The following FSIP2 variants were observed in gnomAD, a reference collection of about 807,000 sequenced individuals.
FSIP2 encodes fibrous sheath-interacting protein 2.
A neutral mutation model predicts 510.5 loss-of-function variants in FSIP2; 367 were observed. The ratio of observed to expected loss-of-function variants is 0.72; its 90% CI spans 0.66 to 0.78. The LOEUF (loss-of-function observed/expected upper bound fraction) is 0.78, where lower values mean the gene tolerates loss of function less well. Ranked by LOEUF, FSIP2 falls within the 30% of genes least tolerant of loss-of-function variation. FSIP2 has a pLI of 0.00. For synonymous variants in FSIP2, 2,601 were observed against 2,732.2 expected (o/e 0.95, Z 1.50); for missense variants, 7,594 against 7,901.7 (o/e 0.96, Z 1.48).
chr2:185,764,580 T>G lies in FSIP2; in HGVS notation c.1411+15T>G. Reference sequence around the variant, plus strand: ...CTGCGAATCAGGTAAATATCAGCAGTAATTATTGAGTAAATCTTGCATTCT... The same window carrying G: ...CTGCGAATCAGGTAAATATCAGCAGGAATTATTGAGTAAATCTTGCATTCT... On this transcript the variant is annotated intron_variant, in intron 13 of 22. Transcript: ENST00000424728. 1 of 1,478,876 alleles carries G rather than the reference T, an allele frequency of 6.8e-7. No individual in the cohort carries two copies. Among genetic ancestry groups the G allele is most frequent in the Non-Finnish European group, 9.1e-7 (1 of 1,097,516 alleles). The allele number at this position is 1,478,876 out of a possible 1,614,324, so 91.6% of individuals were successfully genotyped here.
At chr2:185,750,601 C>T (rs1484088431) in intron 7 of FSIP2, among the ~76,000 whole-genome samples, 2 of 25,986 alleles carry the variant, frequency 7.7e-5, no homozygotes, top group Admixed American at 4.5e-4. Flanking sequence ...ATGCATTTCT[C>T]TGTTTTTTTT....
At chr2:185,745,612 C>T (rs1279500516) in intron 5 of FSIP2, 44 bp downstream of exon 5, 6 of 1,471,516 alleles carry the variant, frequency 4.1e-6, no homozygotes, top group Non-Finnish European at 5.4e-6. Context: ...TGTTGTGGAC[C>T]CAAATAAGCT....
rs551463763 is a variant in FSIP2, at chr2:185,807,503, C to T, written c.18197C>T (p.Thr6066Ile). 17 of 1,611,242 alleles carry T rather than the reference C, an allele frequency of 1.1e-5. No individual in the cohort carries two copies. The highest frequency in any genetic ancestry group is 1.4e-5 in the Non-Finnish European group (17 of 1,178,226). Reference protein sequence around the residue: ...ATEISQDKYMTIQYVETLQSD... With the variant: ...ATEISQDKYMIIQYVETLQSD... Reference sequence around the variant, plus strand: ...GAGATCTCCCAAGATAAATATATGACTATACAGTATGTAGAAACCTTACAA... The same window carrying T: ...GAGATCTCCCAAGATAAATATATGATTATACAGTATGTAGAAACCTTACAA... The change falls in exon 17 of 23, where the codon ACT (threonine) becomes ATT (isoleucine). Residue 6066 changes from threonine to isoleucine, a missense_variant. Transcript: ENST00000424728.
intron 19 of FSIP2, among the ~76,000 whole-genome samples, chr2:185,818,517 A>G (rs1006943176): frequency 2.6e-5 from 4 of 151,964 alleles, no homozygotes; most frequent in Non-Finnish European, 5.9e-5. Context: ...TCATATCAAG[A>G]CACATAATAA....
intron 13 of FSIP2, among the ~76,000 whole-genome samples, chr2:185,780,096 T>A (rs914213414): frequency 6.6e-6 from 1 of 151,970 alleles, no homozygotes; most frequent in Non-Finnish European, 1.5e-5. Flanking sequence ...ATTGTTTTGT[T>A]TAATTATTTT....
At chr2:185,749,294 T>G (rs925536968) in intron 7 of FSIP2, among the ~76,000 whole-genome samples, 3 of 151,976 alleles carry the variant, frequency 2.0e-5, no homozygotes, top group Non-Finnish European at 4.4e-5. Flanking sequence ...CATATGTCGC[T>G]CCATTTATGT....
At position 185,738,983 on chromosome 2, in the gene FSIP2, A is replaced by G. The variant is rs1222313687; in HGVS notation, c.89A>G (p.Gln30Arg). Residue 30 changes from glutamine (Q) to arginine (R), a missense_variant, in exon 1 of 23, where the codon CAG becomes CGG. Gln to Arg is a conservative substitution (Grantham distance 43). Transcript: ENST00000424728. ...AGCGTCCTGGCCGCGGACACCCAGC[A>G]GTGCAGAGACGTGAGTGGCCGCAAG... is the stretch of plus-strand genomic sequence containing the variant. ...VASVLAADTQ[Q>R]CRDGVHKTHF... The G allele has an allele frequency of 1.3e-6, 2 of 1,533,166 alleles. No homozygotes were observed. The highest frequency in any genetic ancestry group is 1.7e-6 in the Non-Finnish European group (2 of 1,146,410). 95.0% of individuals were successfully genotyped at this position (1,533,166 alleles called of 1,614,324 possible).
chr2:185,738,661 C>T (rs1030966234), upstream of FSIP2: 402 of 1,535,928 alleles, frequency 2.6e-4, no homozygotes, highest in Non-Finnish European at 3.2e-4. Context: ...TCAGATCAGG[C>T]CTCTCGGACC....
chr2:185,745,277 G>A (rs1692002968), intron 4 of FSIP2, among the ~76,000 whole-genome samples, 152 bp from the exon 5 acceptor site: 1 of 151,814 alleles, frequency 6.6e-6, no homozygotes, highest in Non-Finnish European at 1.5e-5. Flanking sequence ...CTTAATTTTG[G>A]TTTACTTGTC....
At chr2:185,827,729 T>A (rs1694037734) in intron 20 of FSIP2, among the ~76,000 whole-genome samples, 1 of 151,892 alleles carries the variant, frequency 6.6e-6, no homozygotes, top group African/African-American at 2.4e-5. Flanking sequence ...TACTCTCCTC[T>A]TTATTCTAAT....
rs778750574 is a variant in FSIP2, at chr2:185,813,692, G to A, written c.19975G>A (p.Glu6659Lys). The A allele has an allele frequency of 1.9e-6, 3 of 1,609,912 alleles. No homozygotes were observed. Among genetic ancestry groups the A allele is most frequent in the South Asian group, 2.2e-5 (2 of 90,314 alleles). ...DQVYLENYIK[E>K]ERDSDEDEVV... ...AGTGTATTTGGAAAATTACATAAAA[G>A]AGGAACGAGATTCTGATGAAGATGA... The change falls in exon 18 of 23, where the codon GAG becomes AAG. Residue 6659 changes from glutamate (E) to lysine (K), a missense_variant. Transcript: ENST00000424728.
At position 185,743,244 on chromosome 2, in the gene FSIP2, G is replaced by C; in HGVS notation, c.337G>C (p.Asp113His). Residue 113 changes from aspartate (D) to histidine (H), a missense_variant, in exon 3 of 23, where the codon GAT (aspartate) becomes CAT (histidine). Coordinates refer to ENST00000424728, the MANE Select transcript of FSIP2 (RefSeq NM_173651.4). ...PHLKAYYKRK[D>H]ILKRLKKGGY... ...TTTAAAAGCATACTATAAGCGCAAAGATATTTTGAAGAGATTAAAGAAAGG... is the reference window on the plus strand; with the variant it reads ...TTTAAAAGCATACTATAAGCGCAAACATATTTTGAAGAGATTAAAGAAAGG... The C allele has an allele frequency of 1.3e-6, 2 of 1,519,316 alleles. No individual in the cohort carries two copies. The highest frequency in any genetic ancestry group is 1.8e-6 in the Non-Finnish European group (2 of 1,141,400). The allele number at this position is 1,519,316 out of a possible 1,614,324, so 94.1% of individuals were successfully genotyped here. A position where few individuals can be genotyped will look rare whatever the true frequency, so the allele number is the denominator to read the frequency against.
chr2:185,794,630 A>G lies in FSIP2; in HGVS notation c.7494A>G (p.Val2498=). ...EELLNKLYQR[V]REVTGHLPPL... is the part of the protein sequence containing the mutation. ...TTTTGAATAAGTTGTATCAAAGAGT[A>G]AGGGAAGTCACAGGCCATTTGCCTC... The change falls in exon 16 of 23, where the codon GTA becomes GTG. Residue 2498 remains valine (V), a synonymous_variant. Transcript: ENST00000424728. 1 of 1,532,690 alleles carries G rather than the reference A, an allele frequency of 6.5e-7. No individual in the cohort carries two copies. 94.9% of individuals were successfully genotyped at this position (1,532,690 alleles called of 1,614,324 possible). A position where few individuals can be genotyped will look rare whatever the true frequency, so the allele number is the denominator to read the frequency against.
chr2:185,775,847 A>G (rs1332568717), intron 13 of FSIP2, among the ~76,000 whole-genome samples: 1 of 152,122 alleles, frequency 6.6e-6, no homozygotes, highest in Non-Finnish European at 1.5e-5. Context: ...TATTTTTAGT[A>G]GAGATGGAGT....
Position 185,802,111 on chromosome 2 carries a change from T to C in FSIP2, c.12805T>C (p.Cys4269Arg). Residue 4269 changes from cysteine to arginine, a missense_variant, in exon 17 of 23, where the codon TGT (cysteine) becomes CGT (arginine). Physicochemically the swap from Cys to Arg is radical, Grantham distance 180. Coordinates refer to ENST00000424728, the MANE Select transcript of FSIP2 (RefSeq NM_173651.4). Reference sequence around the variant, plus strand: ...ACCATTTTTGAGTGGAGAGGTTTTATGTCATCCAAGGACTCCACTGGATCC... The same window carrying C: ...ACCATTTTTGAGTGGAGAGGTTTTACGTCATCCAAGGACTCCACTGGATCC... ...LQPFLSGEVL[C>R]HPRTPLDPVS... 6.5e-7 allele frequency: 1 copy of C among 1,533,586 alleles called. No homozygotes were observed. Among genetic ancestry groups the C allele is most frequent in the Non-Finnish European group, 8.7e-7 (1 of 1,145,206 alleles). 95.0% of individuals were successfully genotyped at this position (1,533,586 alleles called of 1,614,324 possible).
chr2:185,815,008 C>T (rs1693802942), intron 18 of FSIP2, among the ~76,000 whole-genome samples: 1 of 151,938 alleles, frequency 6.6e-6, no homozygotes, highest in Admixed American at 6.6e-5. Context: ...ATTGACCTGG[C>T]AAGGTACCTA....
chr2:185,775,362 T>C (rs1692696122), intron 13 of FSIP2, among the ~76,000 whole-genome samples: 1 of 151,350 alleles, frequency 6.6e-6, no homozygotes, highest in Non-Finnish European at 1.5e-5. Flanking sequence ...ATGTGTTTTT[T>C]GGCTGCATAA....
intron 7 of FSIP2, among the ~76,000 whole-genome samples, chr2:185,748,458 T>G (rs1479396810): frequency 6.6e-6 from 1 of 151,830 alleles, no homozygotes; most frequent in Non-Finnish European, 1.5e-5. Flanking sequence ...ATTATTAATA[T>G]TTTCTAATAC....
At chr2:185,774,014 T>G (rs956349630) in intron 13 of FSIP2, among the ~76,000 whole-genome samples, 1 of 152,194 alleles carries the variant, frequency 6.6e-6, no homozygotes, top group Non-Finnish European at 1.5e-5. Context: ...TGGAGATAAA[T>G]TTTCTGGGGT....
Sources: allele counts gnomAD v4.1 joint callset (sites outside exome capture counted in the v4.1 genomes callset), GRCh38; gene constraint gnomAD v4.1.1; transcripts MANE v1.5; gene names NCBI Gene and HGNC (gene_info 2026-07-23, HGNC 2026-07-21).